The following DHX36 variants were observed in gnomAD, a reference collection of about 807,000 sequenced individuals.
The protein encoded by DHX36 is ATP-dependent DNA/RNA helicase DHX36.
A neutral mutation model predicts 139.0 loss-of-function variants in DHX36; 50 were observed. The ratio of observed to expected loss-of-function variants is 0.36; its 90% confidence interval spans 0.29 to 0.46. The LOEUF is 0.46. Ranked by LOEUF, DHX36 falls within the 20% of genes least tolerant of loss-of-function variation. The pLI is 1.00. For missense variants in DHX36, 1,024 were observed against 1,211.3 expected (o/e 0.85, Z 2.29); for synonymous variants, 425 against 401.9 (o/e 1.06, Z -0.69).
chr3:154,299,717 G>A, intron 12 of DHX36, 121 bp downstream of exon 12: 1 of 752,006 alleles, frequency 1.3e-6, no homozygotes, highest in South Asian at 1.5e-5. Flanking sequence ...TAAATAAAAA[G>A]CTTCACCTTC....
chr3:154,275,958 G>A lies in DHX36; in HGVS notation c.*213C>T. On this transcript the variant is annotated 3_prime_UTR_variant, in exon 25 of 25. Transcript: ENST00000496811. ...ATGACCACAGCAGAGTATATGATCAGAGAACATATTGCTTTTATGGTATAT... is the reference window on the plus strand; with the variant it reads ...ATGACCACAGCAGAGTATATGATCAAAGAACATATTGCTTTTATGGTATAT... The A allele has an allele frequency of 3.1e-6, 1 of 324,366 alleles. No individual in the cohort carries two copies. The allele number at this position is 324,366 out of a possible 1,614,324, so 20.1% of individuals were successfully genotyped here. A position where few individuals can be genotyped will look rare whatever the true frequency, so the allele number is the denominator to read the frequency against.
At chr3:154,310,139 A>C (rs374671606) in intron 4 of DHX36, among the ~76,000 whole-genome samples, 1 of 152,244 alleles carries the variant, frequency 6.6e-6, no homozygotes, top group Non-Finnish European at 1.5e-5. Flanking sequence ...TGAGTACAGA[A>C]GCAAACTCCT....
At chr3:154,288,833 G>T in intron 17 of DHX36, 33 bp downstream of exon 17, 1 of 1,283,764 alleles carries the variant, frequency 7.8e-7, no homozygotes, top group Non-Finnish European at 1.1e-6. Flanking sequence ...AGTATTCTAA[G>T]TTAGAATTAA....
At chr3:154,291,091 C>T (rs1295468343) in intron 15 of DHX36, among the ~76,000 whole-genome samples, 16 of 137,668 alleles carry the variant, frequency 1.2e-4, no homozygotes, top group Admixed American at 2.3e-4. Flanking sequence ...GCCGAGATCC[C>T]GCCACTGCAC....
chr3:154,319,600 T>C (rs952303878), intron 1 of DHX36, among the ~76,000 whole-genome samples: 1 of 152,196 alleles, frequency 6.6e-6, no homozygotes, highest in Non-Finnish European at 1.5e-5. Flanking sequence ...GTTCCTTTCA[T>C]GTCCTCAGGG....
Position 154,312,873 on chromosome 3 carries a change from AT to A in DHX36, c.604-1200del, listed in dbSNP as rs1712821347. Among the ~76,000 whole-genome samples, 10 of 107,796 alleles carry A rather than the reference AT, an allele frequency of 9.3e-5. 1 individual carries two copies. The highest frequency in any genetic ancestry group is 7.9e-4 in the Admixed American group (8 of 10,172). 70.7% of individuals were successfully genotyped at this position (107,796 alleles called of 152,430 possible). A position where few individuals can be genotyped will look rare whatever the true frequency, so the allele number is the denominator to read the frequency against. ...TTAAAATATATATATATATATATAT[AT>A]ATATATATATATATATATATATATA... On this transcript the variant is annotated intron_variant, in intron 3 of 24. Coordinates refer to ENST00000496811, the MANE Select transcript of DHX36 (RefSeq NM_020865.3).
chr3:154,314,855 G>T, intron 3 of DHX36, 191 bp downstream of exon 3: 1 of 529,044 alleles, frequency 1.9e-6, no homozygotes. Context: ...GATGAGATAG[G>T]ATACTGTAGG....
chr3:154,317,420 C>T (rs1292387946), intron 1 of DHX36, among the ~76,000 whole-genome samples: 1 of 151,880 alleles, frequency 6.6e-6, no homozygotes, highest in African/African-American at 2.4e-5. Context: ...CACAGAGACA[C>T]AGGAATTCTC....
intron 1 of DHX36, 66 bp downstream of exon 1, chr3:154,324,106 AGG>A: frequency 6.8e-7 from 1 of 1,467,884 alleles, no homozygotes; most frequent in Non-Finnish European, 9.2e-7. Flanking sequence ...ACCAAGAAAA[AGG>A]GGGCAGCGGG....
chr3:154,301,018 A>G lies in DHX36; in HGVS notation c.1327T>C (p.Trp443Arg). 6.2e-7 allele frequency: 1 copy of G among 1,613,046 alleles called. No homozygotes were observed. The highest frequency in any genetic ancestry group is 8.5e-7 in the Non-Finnish European group (1 of 1,179,834). Residue 443 changes from tryptophan (W) to arginine (R), a missense_variant, in exon 10 of 25, where the codon TGG becomes CGG. Trp to Arg is a moderately radical substitution (Grantham distance 101, BLOSUM62 -3). Transcript: ENST00000496811. ...CGCAGTTCCCTTACATAATCTGGCCAACGTTCTTTATATATTGCTTCTTTT... is the reference window on the plus strand; with the variant it reads ...CGCAGTTCCCTTACATAATCTGGCCGACGTTCTTTATATATTGCTTCTTTT... ...EEKEAIYKER[W>R]PDYVRELRRR...
intron 12 of DHX36, among the ~76,000 whole-genome samples, chr3:154,299,513 G>A (rs1712182769): frequency 6.6e-6 from 1 of 152,102 alleles, no homozygotes; most frequent in Non-Finnish European, 1.5e-5. Context: ...TGATGATGGG[G>A]TCTAGGTATC....
At chr3:154,289,348 A>C (rs1711693350) in intron 16 of DHX36, among the ~76,000 whole-genome samples, 3 of 152,200 alleles carry the variant, frequency 2.0e-5, no homozygotes, top group Admixed American at 1.3e-4. Flanking sequence ...ATGAAGGATA[A>C]CATGTTAACA....
At chr3:154,290,289 G>C (rs355759) in intron 15 of DHX36, among the ~76,000 whole-genome samples, 103,589 of 151,988 alleles carry the variant, frequency 0.68, 36,121 homozygotes, top group South Asian at 0.77. Flanking sequence ...AAAAGTTTCT[G>C]TTTTATGTAT....
intron 17 of DHX36, among the ~76,000 whole-genome samples, chr3:154,285,429 G>T (rs9873603): frequency 2.0e-5 from 3 of 151,986 alleles, no homozygotes; most frequent in Non-Finnish European, 4.4e-5. Context: ...AAATGGGAGT[G>T]ACTTCTGCTC....
chr3:154,303,307 T>C, intron 9 of DHX36, 22 bp downstream of exon 9: 4 of 1,523,960 alleles, frequency 2.6e-6, no homozygotes, highest in Non-Finnish European at 1.8e-6. Flanking sequence ...TTAATGTTTT[T>C]TATTTCCTAA....
intron 17 of DHX36, among the ~76,000 whole-genome samples, chr3:154,286,320 GAATA>G (rs1268130940): frequency 2.7e-5 from 4 of 150,630 alleles, no homozygotes; most frequent in Admixed American, 6.6e-5. Flanking sequence ...ACTTAAAAAA[GAATA>G]AATAAAACTC....
chr3:154,309,592 G>C (rs1712651656), intron 5 of DHX36, 61 bp downstream of exon 5: 1 of 1,407,808 alleles, frequency 7.1e-7, no homozygotes, highest in Admixed American at 2.4e-5. Context: ...TTCAGAATCA[G>C]TAGGTTCTAG....
chr3:154,280,748 T>A lies in DHX36; in HGVS notation c.2476+15A>T. On this transcript the variant is annotated intron_variant, in intron 21 of 24. Transcript: ENST00000496811. ...AGACAAAAGATACTTATTTACACTG[T>A]GTTTCCTGCTGTACCTGAATTTATA... 6.2e-7 allele frequency: 1 copy of A among 1,609,866 alleles called. No homozygotes were observed. The highest frequency in any genetic ancestry group is 1.7e-5 in the Admixed American group (1 of 59,976).
At chr3:154,295,002 TACTC>T (rs1373418774) in intron 13 of DHX36, among the ~76,000 whole-genome samples, 1 of 152,214 alleles carries the variant, frequency 6.6e-6, no homozygotes, top group South Asian at 2.1e-4. Context: ...CTTTTTCTCT[TACTC>T]AGGAAACTCA....
Sources: allele counts gnomAD v4.1 joint callset (sites outside exome capture counted in the v4.1 genomes callset), GRCh38; gene constraint gnomAD v4.1.1; transcripts MANE v1.5; gene names NCBI Gene and HGNC (gene_info 2026-07-23, HGNC 2026-07-21).